KCNB2: variants seen among roughly 807,000 people sequenced by gnomAD.
KCNB2 encodes potassium voltage-gated channel subfamily B member 2, also known as delayed rectifier potassium channel protein.
KCNB2 carries 15 observed loss-of-function variants against 61.5 expected under a neutral mutation model. The ratio of observed to expected loss-of-function variants is 0.24; its 90% confidence interval spans 0.16 to 0.38. The LOEUF (loss-of-function observed/expected upper bound fraction) is 0.38, where lower values mean the gene tolerates loss of function less well. KCNB2 is among the 10% of genes least tolerant of loss of function. The pLI, the probability that KCNB2 is intolerant of heterozygous loss-of-function variation, is 1.00. For synonymous variants in KCNB2, 457 were observed against 446.0 expected, an observed-to-expected ratio of 1.02 and a Z score of -0.31; for missense variants, 828 against 1,125.2, an observed-to-expected ratio of 0.74 and a Z score of 3.78.
intron 2 of KCNB2, among the ~76,000 whole-genome samples, chr8:72,685,559 C>T (rs1036725182): frequency 4.6e-5 from 7 of 151,884 alleles, no homozygotes; most frequent in East Asian, 3.9e-4. Context: ...GCCATGGGAA[C>T]GAGTAACAAG....
chr8:72,634,179 T>C (rs780254617), intron 2 of KCNB2, among the ~76,000 whole-genome samples: 1 of 152,180 alleles, frequency 6.6e-6, no homozygotes, highest in Non-Finnish European at 1.5e-5. Context: ...CAGGCTGAAA[T>C]ATAGTTGCAT....
intron 2 of KCNB2, among the ~76,000 whole-genome samples, chr8:72,741,332 G>A (rs1257978224): frequency 6.6e-6 from 1 of 152,068 alleles, no homozygotes; most frequent in East Asian, 1.9e-4. Context: ...TTCTTACTCA[G>A]CCTTTGATAC....
At chr8:72,625,958 G>T (rs1805783350) in intron 2 of KCNB2, among the ~76,000 whole-genome samples, 1 of 151,996 alleles carries the variant, frequency 6.6e-6, no homozygotes, top group African/African-American at 2.4e-5. Context: ...AACAAAAAAA[G>T]ATACTGAAAA....
At chr8:72,541,805 T>C (rs918885913) in intron 1 of KCNB2, among the ~76,000 whole-genome samples, 7 of 152,170 alleles carry the variant, frequency 4.6e-5, no homozygotes, top group African/African-American at 1.7e-4. Context: ...GATGATCTCA[T>C]TGGTCAGTTT....
At chr8:72,649,580 G>A (rs1219926571) in intron 2 of KCNB2, among the ~76,000 whole-genome samples, 1 of 152,030 alleles carries the variant, frequency 6.6e-6, no homozygotes, top group African/African-American at 2.4e-5. Context: ...TGTATCCCCT[G>A]AATCTAAAAT....
In KCNB2 at chr8:72,937,419, T is replaced by C. The variant is rs539136317; in HGVS notation, c.2064T>C (p.His688=). Residue 688 remains histidine, a synonymous_variant, in exon 3 of 3, where the codon CAT becomes CAC. Coordinates refer to ENST00000523207, the MANE Select transcript of KCNB2 (RefSeq NM_004770.3). ...CCAGTGGCTCCCAGTGTGGGCTACA[T>C]AGTCCTTTGCAGTCTGACAATGCCA... ...LDASGSQCGL[H]SPLQSDNATD... The C allele has an allele frequency of 1.9e-6, 3 of 1,613,980 alleles. No individual in the cohort carries two copies. Among genetic ancestry groups the C allele is most frequent in the Admixed American group, 1.7e-5 (1 of 60,010 alleles).
intron 2 of KCNB2, among the ~76,000 whole-genome samples, chr8:72,843,481 T>C (rs1163628149): frequency 6.6e-6 from 1 of 152,214 alleles, no homozygotes; most frequent in Non-Finnish European, 1.5e-5. Context: ...GTTCAAGTCC[T>C]GAATATCCTT....
chr8:72,626,210 A>C (rs1163770392), intron 2 of KCNB2, among the ~76,000 whole-genome samples: 1 of 152,132 alleles, frequency 6.6e-6, no homozygotes, highest in African/African-American at 2.4e-5. Context: ...GTAGCCCCAG[A>C]ATGCCCAGGT....
At chr8:72,613,627 A>G (rs977030099) in intron 2 of KCNB2, among the ~76,000 whole-genome samples, 1 of 152,232 alleles carries the variant, frequency 6.6e-6, no homozygotes, top group African/African-American at 2.4e-5. Context: ...TCTAAGCTGT[A>G]CTACCAGAAG....
intron 2 of KCNB2, among the ~76,000 whole-genome samples, chr8:72,918,094 G>C (rs778974325): frequency 3.9e-5 from 6 of 152,218 alleles, no homozygotes; most frequent in African/African-American, 1.2e-4. Context: ...TGATTTTACA[G>C]AGAGAAAATT....
intron 2 of KCNB2, among the ~76,000 whole-genome samples, chr8:72,805,633 C>A (rs1200341100): frequency 6.6e-6 from 1 of 152,204 alleles, no homozygotes; most frequent in Non-Finnish European, 1.5e-5. Flanking sequence ...CTTTTTACCC[C>A]TCATTAACCA....
At chr8:72,685,398 C>T (rs1462467296) in intron 2 of KCNB2, among the ~76,000 whole-genome samples, 5 of 151,998 alleles carry the variant, frequency 3.3e-5, no homozygotes, top group South Asian at 2.1e-4. Context: ...TAAGTTCGTG[C>T]GATATGCCAT....
At chr8:72,554,447 C>T (rs377329201) in intron 1 of KCNB2, among the ~76,000 whole-genome samples, 125 of 152,138 alleles carry the variant, frequency 8.2e-4, no homozygotes, top group African/African-American at 3.0e-3. Context: ...TTCAACTCAC[C>T]AGTATTTATA....
At chr8:72,926,204 ACAAAT>A (rs1417030827) in intron 2 of KCNB2, among the ~76,000 whole-genome samples, 7 of 152,180 alleles carry the variant, frequency 4.6e-5, no homozygotes, top group African/African-American at 1.7e-4. Context: ...TACCTATGTA[ACAAAT>A]CTGCACATCC....
intron 2 of KCNB2, among the ~76,000 whole-genome samples, chr8:72,697,391 A>C (rs1462329399): frequency 6.6e-6 from 1 of 152,124 alleles, no homozygotes; most frequent in Non-Finnish European, 1.5e-5. Context: ...TCATTACCTA[A>C]TTCTCCAACT....
intron 2 of KCNB2, among the ~76,000 whole-genome samples, chr8:72,814,600 AT>A (rs1809360226): frequency 6.6e-6 from 1 of 152,174 alleles, no homozygotes; most frequent in African/African-American, 2.4e-5. Flanking sequence ...TAAAGGAATA[AT>A]TTTTTAAAAA....
intron 2 of KCNB2, among the ~76,000 whole-genome samples, chr8:72,765,760 G>C (rs1585880405): frequency 6.6e-6 from 1 of 152,176 alleles, no homozygotes; most frequent in African/African-American, 2.4e-5. Context: ...TCACCGTGGA[G>C]GACTTGTTAA....
chr8:72,741,424 A>G (rs1200141455), intron 2 of KCNB2, among the ~76,000 whole-genome samples: 4 of 152,052 alleles, frequency 2.6e-5, no homozygotes, highest in Non-Finnish European at 5.9e-5. Context: ...TTTTCTTATT[A>G]TTATTATTTC....
chr8:72,665,732 CA>C (rs1053458777), intron 2 of KCNB2, among the ~76,000 whole-genome samples: 6 of 120,702 alleles, frequency 5.0e-5, no homozygotes, highest in African/African-American at 1.8e-4. Context: ...TGGATATTTA[CA>C]AATTATAGGG....
Sources: gnomAD v4.1 joint callset for allele counts (sites outside exome capture counted in the v4.1 genomes callset) on GRCh38, gnomAD v4.1.1 for gene constraint, MANE v1.5 for transcripts, NCBI Gene and HGNC (gene_info 2026-07-23, HGNC 2026-07-21) for gene names.